RNF13: variants seen among roughly 807,000 people sequenced by gnomAD.
RNF13 encodes the protein E3 ubiquitin-protein ligase RNF13.
In RNF13, 19 loss-of-function variants were observed where a neutral mutation model predicts 37.7. The ratio of observed to expected loss-of-function variants is 0.50; its 90% CI spans 0.35 to 0.74. The LOEUF (loss-of-function observed/expected upper bound fraction) is 0.74. RNF13 is among the 30% of genes least tolerant of loss of function. The pLI is 0.01. For missense variants in RNF13, 375 were observed against 453.0 expected (o/e 0.83, Z 1.56); for synonymous variants, 144 against 157.8 (o/e 0.91, Z 0.65).
In RNF13 at chr3:149,940,363, C is replaced by T. The variant is rs554119633; in HGVS notation, c.700+19136C>T. On this transcript the variant is annotated intron_variant, in intron 8 of 9. Coordinates refer to ENST00000392894, the MANE Select transcript of RNF13 (RefSeq NM_183381.3). ...TATATCATTGCTGTTATTCATTTCA[C>T]TTATATATGTTATACATTCATAGCA... Among the ~76,000 whole-genome samples the T allele has an allele frequency of 2.6e-5, 4 of 152,176 alleles. No individual in the cohort carries two copies. In the East Asian group the frequency reaches 7.7e-4, roughly 29 times the overall value.
rs561533859 is a variant in RNF13 at position 149,882,068 on chromosome 3, T to C, written c.321+9914T>C. 3.9e-5 allele frequency among the ~76,000 whole-genome samples: 6 copies of C among 151,978 alleles called. No individual in the cohort carries two copies. The South Asian group carries it at 1.3e-3, about 32-fold the overall frequency. On this transcript the variant is annotated intron_variant, in intron 4 of 9. Coordinates refer to ENST00000392894, the MANE Select transcript of RNF13 (RefSeq NM_183381.3). ...GGAGGAAGTCCAGAATAACTATTAG[T>C]AGAGTACCAGTGGTAAGCACAGAGA...
At chr3:149,947,503 T>C (rs943866131) in intron 8 of RNF13, among the ~76,000 whole-genome samples, 9 of 151,928 alleles carry the variant, frequency 5.9e-5, no homozygotes, top group Admixed American at 1.3e-4. Flanking sequence ...CCGCTGGGCT[T>C]AAGCGATTCT....
At chr3:149,947,528 C>CT (rs1330909052) in intron 8 of RNF13, among the ~76,000 whole-genome samples, 2 of 152,004 alleles carry the variant, frequency 1.3e-5, no homozygotes, top group Admixed American at 6.6e-5. Flanking sequence ...CCTCAATCTC[C>CT]TGAATAGCTG....
chr3:149,899,162 T>C (rs749488493), intron 5 of RNF13, among the ~76,000 whole-genome samples: 1 of 152,152 alleles, frequency 6.6e-6, no homozygotes, highest in South Asian at 2.1e-4. Context: ...AAATAAGTTT[T>C]AGGCTGGGCA....
intron 1 of RNF13, among the ~76,000 whole-genome samples, chr3:149,842,802 G>A (rs779947610): frequency 1.5e-4 from 23 of 152,060 alleles, no homozygotes; most frequent in African/African-American, 3.9e-4. Flanking sequence ...AACAAATTAC[G>A]TATGGAAACC....
intron 8 of RNF13, among the ~76,000 whole-genome samples, chr3:149,948,781 C>T (rs1308675164): frequency 6.6e-6 from 1 of 152,216 alleles, no homozygotes; most frequent in South Asian, 2.1e-4. Context: ...AATCGCAGCA[C>T]TTTGGGAGGC....
At chr3:149,827,164 G>A (rs1276486024) in intron 1 of RNF13, among the ~76,000 whole-genome samples, 2 of 152,224 alleles carry the variant, frequency 1.3e-5, no homozygotes, top group East Asian at 3.9e-4. Flanking sequence ...AAAAATGGAT[G>A]GTTGCATCTG....
intron 4 of RNF13, among the ~76,000 whole-genome samples, chr3:149,889,964 C>T (rs990911448): frequency 1.3e-5 from 2 of 152,200 alleles, no homozygotes; most frequent in African/African-American, 4.8e-5. Context: ...CATGAGCTAT[C>T]GCGCCCGGCC....
chr3:149,851,262 C>A (rs1239028728), intron 2 of RNF13: 1 of 152,200 alleles, frequency 6.6e-6, no homozygotes, highest in Admixed American at 6.5e-5. Flanking sequence ...GTTACCAGGA[C>A]CTGAGTTGAC....
chr3:149,817,014 G>A (rs926696174), intron 1 of RNF13, among the ~76,000 whole-genome samples: 2 of 152,308 alleles, frequency 1.3e-5, no homozygotes, highest in East Asian at 1.9e-4. Context: ...TGAAGAACAG[G>A]TTTTGGTGGA....
intron 4 of RNF13, among the ~76,000 whole-genome samples, chr3:149,873,852 C>G (rs956630462): frequency 4.6e-5 from 7 of 152,038 alleles, no homozygotes; most frequent in Admixed American, 2.0e-4. Context: ...ATATATATAT[C>G]TCACTTATTT....
At chr3:149,860,286 T>A (rs1355244919) in intron 3 of RNF13, among the ~76,000 whole-genome samples, 5 of 138,410 alleles carry the variant, frequency 3.6e-5, no homozygotes, top group South Asian at 4.5e-4. Flanking sequence ...TATATATATA[T>A]ATATATATAT....
chr3:149,945,070 C>T (rs200199035), intron 8 of RNF13, among the ~76,000 whole-genome samples: 1 of 152,088 alleles, frequency 6.6e-6, no homozygotes, highest in Non-Finnish European at 1.5e-5. Flanking sequence ...ATAGGGAATC[C>T]TTTCCTCATT....
chr3:149,854,286 T>C (rs1349580017), intron 3 of RNF13, among the ~76,000 whole-genome samples: 1 of 152,144 alleles, frequency 6.6e-6, no homozygotes. Flanking sequence ...AAAAGTAATA[T>C]ACATAAGAAA....
intron 8 of RNF13, among the ~76,000 whole-genome samples, chr3:149,938,209 G>A (rs566615124): frequency 1.3e-4 from 20 of 151,424 alleles, no homozygotes; most frequent in Non-Finnish European, 2.5e-4. Context: ...ACAGAGTCTC[G>A]CTCTGTTGCC....
chr3:149,889,457 A>G (rs1714445931), intron 4 of RNF13, among the ~76,000 whole-genome samples: 1 of 148,696 alleles, frequency 6.7e-6, no homozygotes, highest in South Asian at 2.1e-4. Flanking sequence ...GGCGTGTGCC[A>G]CCATGCCCAG....
chr3:149,861,387 A>G (rs1350582444), intron 3 of RNF13, among the ~76,000 whole-genome samples: 4 of 152,168 alleles, frequency 2.6e-5, no homozygotes, highest in South Asian at 4.1e-4. Flanking sequence ...CCTACTGTCC[A>G]TGAATAGATG....
At chr3:149,951,202 TATG>T (rs1333565915) in intron 8 of RNF13, among the ~76,000 whole-genome samples, 1 of 152,138 alleles carries the variant, frequency 6.6e-6, no homozygotes, top group African/African-American at 2.4e-5. Context: ...TACTGGTTCT[TATG>T]GTGGTTTTCT....
chr3:149,874,091 A>G (rs1415980623), intron 4 of RNF13, among the ~76,000 whole-genome samples: 2 of 152,192 alleles, frequency 1.3e-5, no homozygotes, highest in African/African-American at 2.4e-5. Flanking sequence ...TTCTCATTGT[A>G]CTTTACCATG....
Sources: allele counts gnomAD v4.1 joint callset (sites outside exome capture counted in the v4.1 genomes callset), GRCh38; gene constraint gnomAD v4.1.1; transcripts MANE v1.5; gene names NCBI Gene and HGNC (gene_info 2026-07-23, HGNC 2026-07-21).